NSD3: variants seen among roughly 807,000 people sequenced by gnomAD.
NSD3 encodes nuclear receptor binding SET domain protein 3.
NSD3 carries 24 observed loss-of-function variants against 160.8 expected under a neutral mutation model. The observed-to-expected ratio is 0.15, with a 90% CI of 0.11 to 0.21. NSD3 has a LOEUF of 0.21. NSD3 is among the 10% of genes least tolerant of loss of function. NSD3 has a pLI of 1.00. For missense variants in NSD3, 1,157 were observed against 1,735.9 expected (o/e 0.67, Z 5.93); for synonymous variants, 520 against 600.0 (o/e 0.87, Z 1.95).
At chr8:38,289,958 A>G (rs1252085973) in intron 17 of NSD3, among the ~76,000 whole-genome samples, 1 of 152,176 alleles carries the variant, frequency 6.6e-6, no homozygotes, top group Admixed American at 6.5e-5. Context: ...GCTCAGAGCT[A>G]TAATCCCAAC....
chr8:38,371,813 C>T (rs150260509), intron 1 of NSD3, among the ~76,000 whole-genome samples: 59 of 152,170 alleles, frequency 3.9e-4, no homozygotes, highest in Middle Eastern at 6.8e-3. Context: ...CAGAGTTGTA[C>T]GCAAATAGAC....
rs1042696043 is a variant in NSD3, at chr8:38,316,197, C to A, written c.1856-155G>T. Among the ~76,000 whole-genome samples, 2 of 152,172 alleles carry A rather than the reference C, an allele frequency of 1.3e-5. No individual in the cohort carries two copies. Among genetic ancestry groups the A allele is most frequent in the Non-Finnish European group, 2.9e-5 (2 of 68,036 alleles). ...ACACTGAAATAATGAGTCAAAACTTCAGAACTTCTGACCTTCCTGGTAGTG... is the reference window on the plus strand; with the variant it reads ...ACACTGAAATAATGAGTCAAAACTTAAGAACTTCTGACCTTCCTGGTAGTG... On this transcript the variant is annotated intron_variant, in intron 9 of 23. Coordinates refer to ENST00000317025, the MANE Select transcript of NSD3 (RefSeq NM_023034.2). The surrounding 1 kb of genome is among the most constrained non-coding windows in gnomAD (Gnocchi z 4.5).
At chr8:38,280,562 A>G (rs1808708444) in intron 20 of NSD3, among the ~76,000 whole-genome samples, 1 of 152,190 alleles carries the variant, frequency 6.6e-6, no homozygotes, top group Non-Finnish European at 1.5e-5. Flanking sequence ...CTTGGTTCTT[A>G]AAAGTGTAAC....
chr8:38,320,104 T>C (rs1285723111), intron 8 of NSD3: 1 of 152,176 alleles, frequency 6.6e-6, no homozygotes, highest in Non-Finnish European at 1.5e-5. Context: ...GATAAATGAA[T>C]GACAAATTAG....
At chr8:38,294,204 C>G (rs902742379) in intron 16 of NSD3, among the ~76,000 whole-genome samples, 3 of 152,108 alleles carry the variant, frequency 2.0e-5, no homozygotes, top group African/African-American at 7.2e-5. Context: ...ATCCTCCAGA[C>G]TTAGTTTCCC....
intron 16 of NSD3, among the ~76,000 whole-genome samples, chr8:38,292,777 A>C (rs983163929): frequency 6.6e-6 from 1 of 151,844 alleles, no homozygotes; most frequent in African/African-American, 2.4e-5. Flanking sequence ...CAACAGTGTG[A>C]GACTCTGTCT....
chr8:38,357,788 ATAAACT>A (rs1404826398), intron 1 of NSD3, among the ~76,000 whole-genome samples: 3 of 152,198 alleles, frequency 2.0e-5, no homozygotes, highest in Non-Finnish European at 2.9e-5. Context: ...ACTAAACTAC[ATAAACT>A]TAAAGAAGTT....
chr8:38,333,878 A>G (rs1325462095), intron 4 of NSD3, among the ~76,000 whole-genome samples: 1 of 152,212 alleles, frequency 6.6e-6, no homozygotes, highest in Non-Finnish European at 1.5e-5. Context: ...CGTCTCAAAA[A>G]AAAGAAAAAA....
rs1374483492 is a variant in NSD3 at position 38,287,409 on chromosome 8, G to A, written c.3501+1078C>T. The stretch of plus-strand genomic sequence containing the variant: ...TATCGTGTGTGAATGGGAAGAAAAC[G>A]TCTGATACTTATGTTTAGAAAACCC... On this transcript the variant is annotated intron_variant, in intron 19 of 23. Coordinates refer to ENST00000317025, the MANE Select transcript of NSD3 (RefSeq NM_023034.2). Among the ~76,000 whole-genome samples, 7 of 152,172 alleles carry A rather than the reference G, an allele frequency of 4.6e-5. No individual in the cohort carries two copies. The South Asian group carries it at 6.2e-4, about 14-fold the overall frequency.
At chr8:38,337,922 G>A (rs927449978) in intron 3 of NSD3, among the ~76,000 whole-genome samples, 5 of 152,174 alleles carry the variant, frequency 3.3e-5, no homozygotes, top group Admixed American at 2.6e-4. Flanking sequence ...AAGGGAAGGA[G>A]GAAAAATATT....
Position 38,275,866 on chromosome 8 carries a change from C to T in NSD3, c.4089G>A (p.Pro1363=), listed in dbSNP as rs766449452. 6.2e-6 allele frequency: 10 copies of T among 1,613,778 alleles called. No homozygotes were observed. The highest frequency in any genetic ancestry group is 1.6e-4 in the Middle Eastern group (1 of 6,082). ...TGCTGCACTCATCGCACTGATGCCA[C>T]GGACACTCCCACTTTCCTAATTCGG... The part of the protein sequence containing the change: ...TQPPYGKWEC[P]WHQCDECSSA... Residue 1363 remains proline (P), a synonymous_variant, in exon 24 of 24, where the codon CCG becomes CCA. Coordinates refer to ENST00000317025, the MANE Select transcript of NSD3 (RefSeq NM_023034.2).
chr8:38,313,672 C>A (rs1357097432), intron 12 of NSD3, among the ~76,000 whole-genome samples: 3 of 151,678 alleles, frequency 2.0e-5, no homozygotes, highest in African/African-American at 7.3e-5. Context: ...CCTGTAGTCC[C>A]AGCTACTCGG....
intron 4 of NSD3, 74 bp downstream of exon 4, chr8:38,337,231 T>C: frequency 7.7e-7 from 1 of 1,302,662 alleles, no homozygotes; most frequent in Non-Finnish European, 1.0e-6. Context: ...TGTATTCTTA[T>C]ATTCACATAC....
Position 38,288,797 on chromosome 8 carries a change from A to C in NSD3, c.3232-41T>G. ...GCAAGCGAGAGAGAGGCAGCAGGTA[A>C]GTCATCTGGCAATGTGAACAGGAAC... On this transcript the variant is annotated intron_variant, in intron 18 of 23. Coordinates refer to ENST00000317025, the MANE Select transcript of NSD3 (RefSeq NM_023034.2). The surrounding 1 kb of genome is among the most constrained non-coding windows in gnomAD (Gnocchi z 4.5). 1 of 1,599,030 alleles carries C rather than the reference A, an allele frequency of 6.3e-7. No homozygotes were observed. Among genetic ancestry groups the C allele is most frequent in the Non-Finnish European group, 8.5e-7 (1 of 1,170,356 alleles).
At chr8:38,277,000 G>A (rs1808617145) in intron 22 of NSD3, among the ~76,000 whole-genome samples, 1 of 152,118 alleles carries the variant, frequency 6.6e-6, no homozygotes, top group Non-Finnish European at 1.5e-5. Flanking sequence ...GGAGTGCAGT[G>A]GGGCGATCTC....
chr8:38,303,957 C>T (rs1207505682), intron 14 of NSD3, among the ~76,000 whole-genome samples: 3 of 152,094 alleles, frequency 2.0e-5, no homozygotes, highest in South Asian at 4.1e-4. Context: ...ATCATGAACC[C>T]AAGTTCACTG....
At chr8:38,344,388 C>CGCGA (rs749628777) in intron 2 of NSD3, among the ~76,000 whole-genome samples, 1 of 152,168 alleles carries the variant, frequency 6.6e-6, no homozygotes, top group Non-Finnish European at 1.5e-5. Flanking sequence ...TCCTGTGCCT[C>CGCGA]GGCCTCCCGA....
At chr8:38,341,247 A>T (rs1810358595) in intron 2 of NSD3, among the ~76,000 whole-genome samples, 1 of 152,190 alleles carries the variant, frequency 6.6e-6, no homozygotes, top group Admixed American at 6.5e-5. Context: ...CTAAGAAAAT[A>T]AATTACAATC....
intron 4 of NSD3, among the ~76,000 whole-genome samples, chr8:38,333,918 C>G (rs568072468): frequency 6.6e-6 from 1 of 152,262 alleles, no homozygotes; most frequent in Admixed American, 6.5e-5. Flanking sequence ...ATATGGAAAC[C>G]AGTGATTACT....
Sources: gnomAD v4.1 joint callset for allele counts (sites outside exome capture counted in the v4.1 genomes callset) on GRCh38, gnomAD v4.1.1 for gene constraint, Gnocchi (gnomAD v3.1) non-coding constraint, MANE v1.5 for transcripts, NCBI Gene and HGNC (gene_info 2026-07-23, HGNC 2026-07-21) for gene names.